Variants in RABGAP1L observed in about 807,000 individuals in gnomAD.
RABGAP1L encodes RAB GTPase activating protein 1 like.
A neutral mutation model predicts 137.7 loss-of-function variants in RABGAP1L; 63 were observed. That is an observed-to-expected ratio of 0.46 (90% CI 0.37 to 0.56). The LOEUF (loss-of-function observed/expected upper bound fraction) is 0.56. Among genes scored for constraint, RABGAP1L ranks in the 20% least tolerant of loss-of-function variants. The pLI, the probability that RABGAP1L is intolerant of heterozygous loss-of-function variation, is 0.00. For synonymous variants in RABGAP1L, 431 were observed against 433.7 expected, an observed-to-expected ratio of 0.99 and a Z score of 0.08; for missense variants, 1,095 against 1,244.0, an observed-to-expected ratio of 0.88 and a Z score of 1.80.
Position 174,685,413 on chromosome 1 carries a change from C to T in RABGAP1L, c.1899+1817C>T, listed in dbSNP as rs546001269. Reference sequence around the variant, plus strand: ...GACTACAGGCTCCTGCCACCATGCCCGGCTAACTTTTTGTATATTTTAGTA... The same window carrying T: ...GACTACAGGCTCCTGCCACCATGCCTGGCTAACTTTTTGTATATTTTAGTA... On this transcript the variant is annotated intron_variant, in intron 15 of 25. Transcript: ENST00000681986. Among the ~76,000 whole-genome samples the T allele has an allele frequency of 9.9e-5, 15 of 151,792 alleles. 1 individual carries two copies. In the South Asian group the frequency reaches 2.5e-3, roughly 25 times the overall value.
intron 11 of RABGAP1L, chr1:174,365,373 G>C (rs1232777222): frequency 1.3e-5 from 2 of 152,090 alleles, no homozygotes; most frequent in Non-Finnish European, 2.9e-5. Context: ...TATTTCACTA[G>C]CTCTAAGCCA....
Position 174,448,174 on chromosome 1 carries a change from G to C in RABGAP1L, c.1710+54029G>C, listed in dbSNP as rs780487557. On this transcript the variant is annotated intron_variant, in intron 13 of 25. Transcript: ENST00000681986. The surrounding 1 kb of genome is among the most constrained non-coding windows in gnomAD (Gnocchi z 4.2). ...ACATGAGCAGTGGCATTGTGAATGT[G>C]TCCGAGCGTCACTCCTGCCCACTTG... 6.2e-7 allele frequency: 1 copy of C among 1,613,454 alleles called. No individual in the cohort carries two copies. The highest frequency in any genetic ancestry group is 1.1e-5 in the South Asian group (1 of 91,052).
At chr1:174,376,673 A>G (rs191158149) in intron 12 of RABGAP1L, among the ~76,000 whole-genome samples, 2 of 152,236 alleles carry the variant, frequency 1.3e-5, no homozygotes, top group South Asian at 2.1e-4. Context: ...CCAAAAAACA[A>G]AAAAACCTCT....
intron 11 of RABGAP1L, among the ~76,000 whole-genome samples, chr1:174,316,494 G>T (rs1478615155): frequency 6.6e-6 from 1 of 152,198 alleles, no homozygotes; most frequent in Non-Finnish European, 1.5e-5. Context: ...GACTCATAGA[G>T]GTACTGCCTT....
chr1:174,170,671 C>CAAAAAAAA (rs35800051), intron 1 of RABGAP1L, among the ~76,000 whole-genome samples: 1 of 85,360 alleles, frequency 1.2e-5, no homozygotes, highest in African/African-American at 4.1e-5. Flanking sequence ...GACGCTGTTT[C>CAAAAAAAA]AAAAAAAAAA....
At chr1:174,241,005 G>C (rs1408929044) in intron 4 of RABGAP1L, among the ~76,000 whole-genome samples, 1 of 151,974 alleles carries the variant, frequency 6.6e-6, no homozygotes, top group East Asian at 1.9e-4. Flanking sequence ...GTTAGTTCCA[G>C]TTTATTTTTG....
At chr1:174,731,245 T>A (rs1044408135) in intron 17 of RABGAP1L, among the ~76,000 whole-genome samples, 1 of 152,228 alleles carries the variant, frequency 6.6e-6, no homozygotes, top group Non-Finnish European at 1.5e-5. Context: ...GTGCTGGGAA[T>A]ACAAGCGTGA....
At chr1:174,846,722 TTCTGTAGATG>T (rs1185323897) in intron 19 of RABGAP1L, among the ~76,000 whole-genome samples, 1 of 81,284 alleles carries the variant, frequency 1.2e-5, no homozygotes, top group East Asian at 5.5e-4. Context: ...GGGTGGAGAG[TTCTGTAGATG>T]TCTGTTAGGT....
At chr1:174,190,917 T>G (rs1304954883) in intron 1 of RABGAP1L, among the ~76,000 whole-genome samples, 19 of 152,146 alleles carry the variant, frequency 1.2e-4, no homozygotes. Flanking sequence ...TATTGTTGTG[T>G]TTCAGGAATA....
At chr1:174,849,833 G>C (rs899146195) in intron 19 of RABGAP1L, 1 of 554,998 alleles carries the variant, frequency 1.8e-6, no homozygotes, top group African/African-American at 1.9e-5. Context: ...TGGAAATTTT[G>C]CCTTTGGGAA....
intron 13 of RABGAP1L, among the ~76,000 whole-genome samples, chr1:174,608,803 A>G (rs1670972852): frequency 1.3e-5 from 2 of 152,164 alleles, no homozygotes; most frequent in South Asian, 4.1e-4. Context: ...GAAGGGCAGA[A>G]AGTTTAGGAA....
At position 174,442,853 on chromosome 1, in the gene RABGAP1L, A is replaced by C. The variant is rs1304275642; in HGVS notation, c.1710+48708A>C. On this transcript the variant is annotated intron_variant, in intron 13 of 25. Transcript: ENST00000681986. ...GACTGCATTTTTGTAACCATTATCC[A>C]ACTTCTTTTCATTCCTTTTTCCCTA... 5.3e-5 allele frequency among the ~76,000 whole-genome samples: 8 copies of C among 152,066 alleles called. No homozygotes were observed. In the East Asian group the frequency reaches 1.5e-3, roughly 29 times the overall value.
intron 19 of RABGAP1L, among the ~76,000 whole-genome samples, chr1:174,839,078 C>A (rs1693112474): frequency 7.5e-6 from 1 of 132,710 alleles, no homozygotes. Flanking sequence ...GGGGTAGATA[C>A]ATATATTTAA....
In RABGAP1L at chr1:174,375,032, A is replaced by G. The variant is rs191721243; in HGVS notation, c.1559+3960A>G. On this transcript the variant is annotated intron_variant, in intron 12 of 25. Transcript: ENST00000681986. ...AGATGAAATTTAGTTAAAAGTCGAC[A>G]TGCTTATTGGGAGATATGGCAAGGT... Among the ~76,000 whole-genome samples, 3 of 152,270 alleles carry G rather than the reference A, an allele frequency of 2.0e-5. No individual in the cohort carries two copies. In the East Asian group the frequency reaches 5.8e-4, roughly 29 times the overall value.
Position 174,957,509 on chromosome 1 carries a change from A to C in RABGAP1L, c.2393A>C (p.Glu798Ala), listed in dbSNP as rs1367059738. ...GAGAAAGAATATCAGACAATGCGAG[A>C]GAGTCAGCTGCAACAGGAAGACCCA... Reference protein sequence around the residue: ...KYEKEYQTMRESQLQQEDPMD... With the variant: ...KYEKEYQTMRASQLQQEDPMD... Residue 798 changes from glutamate (E) to alanine (A), a missense_variant, in exon 20 of 26, where the codon GAG (glutamate) becomes GCG (alanine). Glu to Ala is a moderately radical substitution (Grantham distance 107, BLOSUM62 -1). This residue lies in a region of RABGAP1L where 312 missense variants were observed against 435.6 expected (regional missense o/e 0.72). Coordinates refer to ENST00000681986, the MANE Select transcript of RABGAP1L (RefSeq NM_001366446.1). 1 of 1,613,566 alleles carries C rather than the reference A, an allele frequency of 6.2e-7. No homozygotes were observed. Among genetic ancestry groups the C allele is most frequent in the Non-Finnish European group, 8.5e-7 (1 of 1,179,628 alleles).
chr1:174,715,358 T>G (rs1680914039), intron 17 of RABGAP1L, among the ~76,000 whole-genome samples: 1 of 152,184 alleles, frequency 6.6e-6, no homozygotes, highest in African/African-American at 2.4e-5. Flanking sequence ...GGATTAAAAA[T>G]GAGACCTTTC....
chr1:174,327,957 A>G (rs958730534), intron 11 of RABGAP1L, among the ~76,000 whole-genome samples: 1 of 8,164 alleles, frequency 1.2e-4, no homozygotes, highest in Non-Finnish European at 1.9e-4. Context: ...ACAGTTGTAA[A>G]TATATATATA....
intron 13 of RABGAP1L, among the ~76,000 whole-genome samples, chr1:174,437,775 A>G (rs575454767): frequency 4.6e-5 from 7 of 152,184 alleles, no homozygotes; most frequent in Non-Finnish European, 1.0e-4. Flanking sequence ...TGTCAGATTT[A>G]CCACAGTGGA....
intron 19 of RABGAP1L, among the ~76,000 whole-genome samples, chr1:174,924,361 T>C (rs1166518661): frequency 1.6e-5 from 2 of 121,330 alleles, no homozygotes; most frequent in African/African-American, 6.7e-5. Context: ...CACTCCAATG[T>C]GGTGACAGAG....
Sources: gnomAD v4.1 joint callset for allele counts (sites outside exome capture counted in the v4.1 genomes callset) on GRCh38, gnomAD v4.1.1 for gene constraint, gnomAD v4.1.1 regional missense constraint, Gnocchi (gnomAD v3.1) non-coding constraint, MANE v1.5 for transcripts, NCBI Gene and HGNC (gene_info 2026-07-23, HGNC 2026-07-21) for gene names.